The following FHAD1 variants were observed in gnomAD, a reference collection of about 807,000 sequenced individuals.
FHAD1 encodes forkhead associated phosphopeptide binding domain 1, also known as forkhead-associated domain-containing protein 1.
In FHAD1, 146 loss-of-function variants were observed where a neutral mutation model predicts 191.3. The ratio of observed to expected loss-of-function variants is 0.76; its 90% confidence interval spans 0.67 to 0.88. The LOEUF (loss-of-function observed/expected upper bound fraction) is 0.88. Among genes scored for constraint, FHAD1 ranks in the 40% least tolerant of loss-of-function variants. The pLI, the probability that FHAD1 is intolerant of heterozygous loss-of-function variation, is 0.00. For missense variants in FHAD1, 1,635 were observed against 1,785.8 expected, an observed-to-expected ratio of 0.92 and a Z score of 1.52; for synonymous variants, 616 against 672.3, an observed-to-expected ratio of 0.92 and a Z score of 1.29.
Position 15,247,380 on chromosome 1 carries a change from T to C in FHAD1, c.-30T>C. The C allele has an allele frequency of 4.6e-6, 1 of 218,850 alleles. No individual in the cohort carries two copies. The highest frequency in any genetic ancestry group is 1.0e-5 in the Non-Finnish European group (1 of 99,926). The allele number at this position is 218,850 out of a possible 1,614,324, so 13.6% of individuals were successfully genotyped here. ...TCTCGGCGGAGGTCGGAGCGTGGGC[T>C]TCCTCCTCCCGCCAGGTGAGTGCGG... On this transcript the variant is annotated 5_prime_UTR_variant, in exon 1 of 34. Coordinates refer to ENST00000688493, the MANE Select transcript of FHAD1 (RefSeq NM_001391957.1).
At chr1:15,357,920 C>T (rs374947616) in intron 20 of FHAD1, 190 bp from the exon 21 acceptor site, 8 of 516,544 alleles carry the variant, frequency 1.5e-5, no homozygotes, top group African/African-American at 6.1e-5. Context: ...GACAGATCTC[C>T]GCTGAATATA....
In FHAD1 at chr1:15,374,527, T is replaced by C. The variant is rs2102886488; in HGVS notation, c.3473T>C (p.Val1158Ala). Residue 1158 changes from valine to alanine, a missense_variant, in exon 27 of 34, where the codon GTC (valine) becomes GCC (alanine). Physicochemically the swap from Val to Ala is moderately conservative, Grantham distance 64. Coordinates refer to ENST00000688493, the MANE Select transcript of FHAD1 (RefSeq NM_001391957.1). The part of the protein sequence containing the change: ...QEQQSFSDLG[V>A]RCKGSRHEEV... ...CAGCAATCCTTCAGCGATCTAGGGGTCAGGTGCAAAGGGTCCCGGCACGAG... is the reference window on the plus strand; with the variant it reads ...CAGCAATCCTTCAGCGATCTAGGGGCCAGGTGCAAAGGGTCCCGGCACGAG... 6.4e-7 allele frequency: 1 copy of C among 1,551,672 alleles called. No individual in the cohort carries two copies. Among genetic ancestry groups the C allele is most frequent in the Non-Finnish European group, 8.7e-7 (1 of 1,146,996 alleles).
At chr1:15,386,657 G>A (rs1040093380) in intron 31 of FHAD1, among the ~76,000 whole-genome samples, 7 of 152,158 alleles carry the variant, frequency 4.6e-5, no homozygotes, top group Admixed American at 2.0e-4. Context: ...GCTTTGCCAC[G>A]CGGTCTCAGC....
intron 26 of FHAD1, among the ~76,000 whole-genome samples, chr1:15,373,577 T>C (rs1471501712): frequency 1.3e-5 from 2 of 149,674 alleles, no homozygotes; most frequent in African/African-American, 4.9e-5. Flanking sequence ...TCTAGGCTGG[T>C]TACAGTAGCT....
At chr1:15,333,462 A>G (rs1682586730) in intron 14 of FHAD1, among the ~76,000 whole-genome samples, 1 of 152,180 alleles carries the variant, frequency 6.6e-6, no homozygotes, top group Non-Finnish European at 1.5e-5. Flanking sequence ...AGCATTTTAT[A>G]CACATGATCT....
Position 15,381,164 on chromosome 1 carries a change from G to T in FHAD1, c.3802-67G>T. 9.8e-7 allele frequency: 1 copy of T among 1,016,104 alleles called. No homozygotes were observed. Among genetic ancestry groups the T allele is most frequent in the Non-Finnish European group, 1.5e-6 (1 of 675,336 alleles). The allele number at this position is 1,016,104 out of a possible 1,614,324, so 62.9% of individuals were successfully genotyped here. ...AGTGAATGAAACAGAATTAGACATT[G>T]GCCTCCTTAAAGCGGCCACCAGCGG... On this transcript the variant is annotated intron_variant, in intron 29 of 33. Coordinates refer to ENST00000688493, the MANE Select transcript of FHAD1 (RefSeq NM_001391957.1). This position sits in a 1 kb window ranked among gnomAD's most constrained non-coding sequence, Gnocchi z 4.6.
intron 32 of FHAD1, among the ~76,000 whole-genome samples, chr1:15,389,874 C>T (rs1340923508): frequency 6.6e-6 from 1 of 152,202 alleles, no homozygotes; most frequent in African/African-American, 2.4e-5. Context: ...CATAGTTATA[C>T]TTAAAACAAA....
At chr1:15,349,849 C>T (rs1450839268) in intron 19 of FHAD1, among the ~76,000 whole-genome samples, 1 of 152,096 alleles carries the variant, frequency 6.6e-6, no homozygotes, top group South Asian at 2.1e-4. Flanking sequence ...ACCCCAATGC[C>T]ACCAACCTAG....
intron 3 of FHAD1, among the ~76,000 whole-genome samples, chr1:15,279,554 C>CAAAAAAA (rs57662759): frequency 1.0e-5 from 1 of 96,876 alleles, no homozygotes; most frequent in Non-Finnish European, 2.1e-5. Context: ...CCTTAAAACT[C>CAAAAAAA]AAAAAAAAAA....
chr1:15,257,897 G>A (rs762034033), intron 2 of FHAD1, among the ~76,000 whole-genome samples: 9 of 152,076 alleles, frequency 5.9e-5, no homozygotes, highest in Non-Finnish European at 1.0e-4. Context: ...GCTGGAGTGC[G>A]GTGGCACAAT....
At chr1:15,306,162 T>C (rs1670435484) in intron 6 of FHAD1, among the ~76,000 whole-genome samples, 1 of 152,216 alleles carries the variant, frequency 6.6e-6, no homozygotes, top group Non-Finnish European at 1.5e-5. Flanking sequence ...AAGGTGACTC[T>C]TGTTATGTTT....
At chr1:15,279,554 C>A (rs1356004697) in intron 3 of FHAD1, among the ~76,000 whole-genome samples, 350 of 96,582 alleles carry the variant, frequency 3.6e-3, no homozygotes, top group South Asian at 7.3e-3. Context: ...CCTTAAAACT[C>A]AAAAAAAAAA....
Position 15,316,220 on chromosome 1 carries a change from G to C in FHAD1, c.1171-158G>C, listed in dbSNP as rs1225586219. Among the ~76,000 whole-genome samples, 1 of 152,232 alleles carries C rather than the reference G, an allele frequency of 6.6e-6. No individual in the cohort carries two copies. The highest frequency in any genetic ancestry group is 6.5e-5 in the Admixed American group (1 of 15,288). On this transcript the variant is annotated intron_variant, in intron 8 of 33. Transcript: ENST00000688493. This position sits in a 1 kb window ranked among gnomAD's most constrained non-coding sequence, Gnocchi z 4.3. Reference sequence around the variant, plus strand: ...GCTTTGGGATCCTGTGTGCCCGTCAGACACCATGGGATGCCTTTTGGGATC... The same window carrying C: ...GCTTTGGGATCCTGTGTGCCCGTCACACACCATGGGATGCCTTTTGGGATC...
At chr1:15,369,606 A>G (rs1697516038) in intron 26 of FHAD1, 104 bp downstream of exon 26, 2 of 1,332,864 alleles carry the variant, frequency 1.5e-6, no homozygotes, top group African/African-American at 1.5e-5. Context: ...TTCCAAAAGT[A>G]TGGCTTGCTG....
downstream of FHAD1, among the ~76,000 whole-genome samples, chr1:15,398,903 C>T (rs1156549772): frequency 6.6e-6 from 1 of 151,972 alleles, no homozygotes; most frequent in African/African-American, 2.4e-5. Flanking sequence ...TCACTGCAAC[C>T]TCCGCCTCCC....
chr1:15,315,166 G>A (rs890444919), intron 8 of FHAD1: 1 of 152,002 alleles, frequency 6.6e-6, no homozygotes, highest in African/African-American at 2.4e-5. Flanking sequence ...TACATGTGCT[G>A]TGTTAATTTT....
At chr1:15,293,346 T>A (rs943012340) in intron 4 of FHAD1, among the ~76,000 whole-genome samples, 2 of 152,216 alleles carry the variant, frequency 1.3e-5, no homozygotes, top group East Asian at 3.8e-4. Context: ...CATGGAATCA[T>A]GTAGTGTATG....
Position 15,272,494 on chromosome 1 carries a change from CTGACCTA to C in FHAD1, c.269_275del (p.Thr90AsnfsTer15), listed in dbSNP as rs750593539. 24 of 1,550,466 alleles carry C rather than the reference CTGACCTA, an allele frequency of 1.5e-5. No individual in the cohort carries two copies. In the South Asian group the frequency reaches 2.6e-4, roughly 17 times the overall value. Reference sequence around the variant, plus strand: ...CATCCTGAGATTTGGGTCTGCAGGGCTGACCTATGAACTGGTCATTGAAAATCCACCT... The same window carrying C: ...CATCCTGAGATTTGGGTCTGCAGGGCTGAACTGGTCATTGAAAATCCACCT... On this transcript the variant is annotated frameshift_variant, in exon 3 of 34. Transcript: ENST00000688493. LOFTEE classifies it high-confidence loss of function.
chr1:15,287,642 C>A (rs955166031), intron 3 of FHAD1, among the ~76,000 whole-genome samples: 2 of 152,146 alleles, frequency 1.3e-5, no homozygotes, highest in Non-Finnish European at 2.9e-5. Context: ...TTGGGAACTA[C>A]AGTTCAAGAT....
Sources: gnomAD v4.1 joint callset for allele counts (sites outside exome capture counted in the v4.1 genomes callset) on GRCh38, gnomAD v4.1.1 for gene constraint, Gnocchi (gnomAD v3.1) non-coding constraint, MANE v1.5 for transcripts, NCBI Gene and HGNC (gene_info 2026-07-23, HGNC 2026-07-21) for gene names.